The following RELN variants were observed in gnomAD, a reference collection of about 807,000 sequenced individuals.
RELN encodes the protein reelin.
A neutral mutation model predicts 427.6 loss-of-function variants in RELN; 108 were observed. The observed-to-expected ratio is 0.25, with a 90% CI of 0.22 to 0.30. The LOEUF (loss-of-function observed/expected upper bound fraction) is 0.30. Ranked by LOEUF, RELN falls within the 10% of genes least tolerant of loss-of-function variation. The pLI, the probability that RELN is intolerant of heterozygous loss-of-function variation, is 1.00. For synonymous variants in RELN, 1,524 were observed against 1,513.4 expected (o/e 1.01, Z -0.16); for missense variants, 3,715 against 4,302.8 (o/e 0.86, Z 3.82).
chr7:103,566,512 C>T (rs1830755321), intron 32 of RELN, 89 bp downstream of exon 32: 2 of 1,593,268 alleles, frequency 1.3e-6, no homozygotes, highest in East Asian at 4.5e-5. Flanking sequence ...TAGAAATTGA[C>T]AGCAAATTAA....
chr7:103,959,802 G>T (rs1283347569), intron 1 of RELN, among the ~76,000 whole-genome samples: 6 of 151,734 alleles, frequency 4.0e-5, no homozygotes, highest in African/African-American at 1.5e-4. Context: ...TGTGGAGATG[G>T]GGTCTCACTA....
rs569075262 is a variant in RELN, at chr7:103,789,757, T to C, written c.474-13130A>G. 8.5e-5 allele frequency among the ~76,000 whole-genome samples: 13 copies of C among 152,324 alleles called. No individual in the cohort carries two copies. The East Asian group carries it at 2.1e-3, about 25-fold the overall frequency. On this transcript the variant is annotated intron_variant, in intron 3 of 64. Coordinates refer to ENST00000428762, the MANE Select transcript of RELN (RefSeq NM_005045.4). ...GTGGGAGTGTAAATTAGTTCAACCA[T>C]TGTAGAAGACAATGTGGTGATTCCT...
intron 11 of RELN, among the ~76,000 whole-genome samples, chr7:103,669,483 T>A (rs982557114): frequency 2.0e-5 from 3 of 152,182 alleles, no homozygotes; most frequent in African/African-American, 7.2e-5. Context: ...ACTGGGGGAC[T>A]TCAGGTAGAG....
chr7:103,636,854 T>C (rs1832595068), intron 17 of RELN, among the ~76,000 whole-genome samples: 1 of 152,208 alleles, frequency 6.6e-6, no homozygotes, highest in South Asian at 2.1e-4. Context: ...ATACCCAGAA[T>C]AAATTTTTTC....
chr7:103,979,022 A>T (rs7786045), intron 1 of RELN, among the ~76,000 whole-genome samples: 2,208 of 152,264 alleles, frequency 0.015, 57 homozygotes, highest in African/African-American at 0.051. Flanking sequence ...TATGTGGAAC[A>T]TCTCTACACT....
chr7:103,730,478 C>A (rs1478696568), intron 6 of RELN, among the ~76,000 whole-genome samples: 1 of 151,030 alleles, frequency 6.6e-6, no homozygotes, highest in Non-Finnish European at 1.5e-5. Flanking sequence ...GGCAGAATAG[C>A]AGGGATTTAA....
At position 103,651,702 on chromosome 7, in the gene RELN, G is replaced by A. The variant is rs1282714420; in HGVS notation, c.1851C>T (p.His617=). 1 of 1,611,678 alleles carries A rather than the reference G, an allele frequency of 6.2e-7. No individual in the cohort carries two copies. The highest frequency in any genetic ancestry group is 8.5e-7 in the Non-Finnish European group (1 of 1,178,402). ...ECLPEICAGP[H]LPHSTVYSSE... ...AGGAGTAGACAGTGCTGTGGGGGAG[G>A]TGGGGTCCAGCACAGATCTCAGGTA... Residue 617 remains histidine, a synonymous_variant, in exon 15 of 65, where the codon CAC becomes CAT. Transcript: ENST00000428762.
chr7:103,661,915 T>C (rs955566419), intron 11 of RELN, among the ~76,000 whole-genome samples: 4 of 152,194 alleles, frequency 2.6e-5, no homozygotes, highest in Non-Finnish European at 5.9e-5. Flanking sequence ...ATATAAATAC[T>C]TGTATGATGT....
chr7:103,677,765 C>CCAA (rs769359635), intron 11 of RELN, among the ~76,000 whole-genome samples: 1 of 56,032 alleles, frequency 1.8e-5, no homozygotes, highest in African/African-American at 7.0e-5. Context: ...GAATCTGTCT[C>CCAA]AAAAAAAAAA....
chr7:103,700,809 T>C, intron 9 of RELN, 101 bp downstream of exon 9: 1 of 795,192 alleles, frequency 1.3e-6, no homozygotes, highest in South Asian at 1.4e-5. Flanking sequence ...CCAGAGTCCT[T>C]TTTACCCTAA....
At chr7:103,550,772 G>A (rs748210283) in intron 41 of RELN, among the ~76,000 whole-genome samples, 45 of 152,078 alleles carry the variant, frequency 3.0e-4, no homozygotes, top group Non-Finnish European at 5.0e-4. Flanking sequence ...CAGGAGGAAC[G>A]CGTGGAAAAC....
intron 2 of RELN, among the ~76,000 whole-genome samples, chr7:103,851,428 CACTAAAGA>C (rs1022907185): frequency 3.9e-5 from 6 of 152,110 alleles, no homozygotes; most frequent in African/African-American, 1.4e-4. Context: ...CACACATCAC[CACTAAAGA>C]ACTTACTCAT....
In RELN at chr7:103,835,044, A is replaced by C. The variant is rs377547084; in HGVS notation, c.338-1372T>G. ...TTCATAATTGCCAAAAGTTGGAAGC[A>C]ACCAAGATGTCCTTCAGTTGGTGAA... On this transcript the variant is annotated intron_variant, in intron 2 of 64. Transcript: ENST00000428762. 2.0e-5 allele frequency among the ~76,000 whole-genome samples: 3 copies of C among 152,246 alleles called. No individual in the cohort carries two copies. The East Asian group carries it at 5.8e-4, about 29-fold the overall frequency.
intron 8 of RELN, among the ~76,000 whole-genome samples, chr7:103,705,968 C>T (rs1834190402): frequency 6.6e-6 from 1 of 152,016 alleles, no homozygotes; most frequent in East Asian, 1.9e-4. Flanking sequence ...TTTATTTATC[C>T]CAGAAAAAGG....
At chr7:103,602,758 C>T (rs1035528233) in intron 24 of RELN, among the ~76,000 whole-genome samples, 1 of 152,034 alleles carries the variant, frequency 6.6e-6, no homozygotes, top group African/African-American at 2.4e-5. Context: ...TACAGCAAAC[C>T]ACCATGGCAC....
chr7:103,597,375 G>T (rs1194863214), intron 24 of RELN, among the ~76,000 whole-genome samples: 1 of 152,130 alleles, frequency 6.6e-6, no homozygotes, highest in Non-Finnish European at 1.5e-5. Context: ...GGCCGAAGTG[G>T]GTGGATCACC....
rs765460597 is a variant in RELN, at chr7:103,697,964, G to C, written c.1032C>G (p.Ala344=). 1 of 1,613,700 alleles carries C rather than the reference G, an allele frequency of 6.2e-7. No homozygotes were observed. Among genetic ancestry groups the C allele is most frequent in the Admixed American group, 1.7e-5 (1 of 59,930 alleles). Residue 344 remains alanine (A), a synonymous_variant, in exon 10 of 65, where the codon GCC becomes GCG. Coordinates refer to ENST00000428762, the MANE Select transcript of RELN (RefSeq NM_005045.4). ...RVGEVYEACW[A]LDNILIINSA... Reference sequence around the variant, plus strand: ...AATTGATGATCAAGATGTTATCTAAGGCCCAGCAGGCTTCATACACTTCAC... The same window carrying C: ...AATTGATGATCAAGATGTTATCTAACGCCCAGCAGGCTTCATACACTTCAC...
intron 4 of RELN, among the ~76,000 whole-genome samples, chr7:103,772,723 C>A (rs967341262): frequency 2.6e-5 from 4 of 152,096 alleles, no homozygotes; most frequent in African/African-American, 7.2e-5. Context: ...GTGCAGATAG[C>A]ACCAGGATGA....
At chr7:103,489,704 G>T (rs780509774) in intron 60 of RELN, 38 bp downstream of exon 60, 24 of 1,609,950 alleles carry the variant, frequency 1.5e-5, no homozygotes, top group Non-Finnish European at 2.0e-5. Context: ...AGAACCTCTT[G>T]GTCTCCTCTA....
Sources: gnomAD v4.1 joint callset for allele counts (sites outside exome capture counted in the v4.1 genomes callset) on GRCh38, gnomAD v4.1.1 for gene constraint, MANE v1.5 for transcripts, NCBI Gene and HGNC (gene_info 2026-07-23, HGNC 2026-07-21) for gene names.